The following GABRR2 variants were observed in gnomAD, a reference collection of about 807,000 sequenced individuals.
GABRR2 encodes the protein gamma-aminobutyric acid receptor subunit rho-2.
GABRR2 carries 36 observed loss-of-function variants against 47.0 expected under a neutral mutation model. That is an observed-to-expected ratio of 0.77 (90% CI 0.59 to 1.01). The LOEUF (loss-of-function observed/expected upper bound fraction) is 1.01, where lower values mean the gene tolerates loss of function less well. Ranked by LOEUF, GABRR2 falls within the 50% of genes least tolerant of loss-of-function variation. GABRR2 has a pLI of 0.00. For synonymous variants in GABRR2, 204 were observed against 227.5 expected (o/e 0.90, Z 0.93); for missense variants, 587 against 594.6 (o/e 0.99, Z 0.13).
chr6:89,297,257 A>T (rs938144819), intron 2 of GABRR2, among the ~76,000 whole-genome samples: 1 of 152,286 alleles, frequency 6.6e-6, no homozygotes, highest in African/African-American at 2.4e-5. Flanking sequence ...TGTTTTTCTT[A>T]TTTTAAGATA....
Position 89,254,865 on chromosome 6 carries a change from T to TTTAG in GABRR2, c.*2804_*2805insCTAA, listed in dbSNP as rs1477833262. Among the ~76,000 whole-genome samples the TTTAG allele has an allele frequency of 6.6e-6, 1 of 152,178 alleles. No homozygotes were observed. Among genetic ancestry groups the TTTAG allele is most frequent in the Middle Eastern group, 3.2e-3 (1 of 316 alleles). On this transcript the variant is annotated 3_prime_UTR_variant, in exon 9 of 9. Transcript: ENST00000402938. ...TGCTAAATACAATGGTGTCATTGTATCATGGCCCTGCATGATAAAACACTG... is the reference window on the plus strand; with the variant it reads ...TGCTAAATACAATGGTGTCATTGTATTTAGCATGGCCCTGCATGATAAAACACTG...
chr6:89,310,003 G>A (rs1767653620), intron 1 of GABRR2, among the ~76,000 whole-genome samples: 1 of 143,628 alleles, frequency 7.0e-6, no homozygotes, highest in Non-Finnish European at 1.5e-5. Flanking sequence ...TTGGCCTCAA[G>A]AGATCTTCTT....
In GABRR2 at chr6:89,315,139, C is replaced by A; in HGVS notation, c.27G>T (p.Leu9Phe). The change falls in exon 1 of 9, where the codon TTG (leucine) becomes TTT (phenylalanine). Residue 9 changes from leucine (L) to phenylalanine (F), a missense_variant. Physicochemically the swap from Leu to Phe is conservative, Grantham distance 22 (BLOSUM62 0). Coordinates refer to ENST00000402938, the MANE Select transcript of GABRR2 (RefSeq NM_002043.5). ...CGAGAACCATCAAGCAAAACAAGAA[C>A]AAAATGAGTCTTGTAAAATAAGGCA... Reference protein sequence around the residue: MPYFTRLILFLFCLMVLVE... With the variant: MPYFTRLIFFLFCLMVLVE... The A allele has an allele frequency of 2.5e-6, 4 of 1,613,874 alleles. No individual in the cohort carries two copies. Among genetic ancestry groups the A allele is most frequent in the Non-Finnish European group, 3.4e-6 (4 of 1,179,846 alleles).
At position 89,268,082 on chromosome 6, in the gene GABRR2, G is replaced by A. The variant is rs766921683; in HGVS notation, c.527C>T (p.Ala176Val). The A allele has an allele frequency of 6.2e-7, 1 of 1,609,590 alleles. No homozygotes were observed. The highest frequency in any genetic ancestry group is 1.3e-5 in the African/African-American group (1 of 74,828). ...GTGGCTGAAGTCCATGTTGCACATG[G>A]CAGTGACCGTAATCCTAGACAACCC... ...VLYSMRITVT[A>V]MCNMDFSHFP... Residue 176 changes from alanine to valine, a missense_variant, in exon 5 of 9, where the codon GCC becomes GTC. Transcript: ENST00000402938.
At chr6:89,296,697 A>G (rs1774560101) in intron 2 of GABRR2, among the ~76,000 whole-genome samples, 2 of 152,214 alleles carry the variant, frequency 1.3e-5, no homozygotes, top group South Asian at 2.1e-4. Flanking sequence ...TGGTCACACC[A>G]CAAGGAGTCC....
chr6:89,292,346 T>A (rs866557798), intron 2 of GABRR2, among the ~76,000 whole-genome samples: 1,514 of 13,468 alleles, frequency 0.11, 32 homozygotes, highest in Non-Finnish European at 0.14. Context: ...AAAAAAAATT[T>A]TATATATATA....
intron 2 of GABRR2, among the ~76,000 whole-genome samples, chr6:89,295,486 T>C (rs1774537923): frequency 6.6e-6 from 1 of 152,114 alleles, no homozygotes; most frequent in African/African-American, 2.4e-5. Flanking sequence ...GATGGGATTT[T>C]TTTTTAATTT....
At chr6:89,268,498 A>G (rs543092115) in intron 4 of GABRR2, among the ~76,000 whole-genome samples, 2 of 152,326 alleles carry the variant, frequency 1.3e-5, no homozygotes, top group East Asian at 3.9e-4. Context: ...GAACTGTACA[A>G]GCAGACCAGG....
chr6:89,267,658 A>C, intron 6 of GABRR2, 21 bp downstream of exon 6: 1 of 1,603,310 alleles, frequency 6.2e-7, no homozygotes, highest in Non-Finnish European at 8.5e-7. Context: ...TTTGAATCAG[A>C]TTGTGGCAAA....
rs1310158438 is a variant in GABRR2, at chr6:89,256,620, A to G, written c.*1050T>C. ...CCACACCAGATAGTCTATGCCAACA[A>G]TGTGATTTATGATAGGTGCCCTGGA... On this transcript the variant is annotated 3_prime_UTR_variant, in exon 9 of 9. Transcript: ENST00000402938. Among the ~76,000 whole-genome samples the G allele has an allele frequency of 6.6e-6, 1 of 152,132 alleles. No individual in the cohort carries two copies. The highest frequency in any genetic ancestry group is 1.5e-5 in the Non-Finnish European group (1 of 68,016).
intron 1 of GABRR2, chr6:89,302,199 G>A (rs1188755931): frequency 1.8e-6 from 1 of 557,742 alleles, no homozygotes; most frequent in Non-Finnish European, 3.6e-6. Context: ...TCGCTGGGCG[G>A]GGGCACAAGC....
chr6:89,281,055 A>G (rs1433382815), intron 2 of GABRR2, among the ~76,000 whole-genome samples: 2 of 152,252 alleles, frequency 1.3e-5, no homozygotes, highest in Non-Finnish European at 1.5e-5. Context: ...AAAGAAATAG[A>G]TCCACATCAG....
At chr6:89,272,048 T>C (rs898327448) in intron 2 of GABRR2, among the ~76,000 whole-genome samples, 1 of 152,206 alleles carries the variant, frequency 6.6e-6, no homozygotes, top group African/African-American at 2.4e-5. Flanking sequence ...GTGGCTGTAG[T>C]GCCTGACTGG....
intron 2 of GABRR2, among the ~76,000 whole-genome samples, chr6:89,294,901 T>C (rs1285563253): frequency 2.0e-5 from 3 of 151,402 alleles, no homozygotes; most frequent in African/African-American, 7.3e-5. Flanking sequence ...TTTGGTTTTT[T>C]GTCCTTGCGA....
At chr6:89,273,694 G>C (rs9362631) in intron 2 of GABRR2, among the ~76,000 whole-genome samples, 27,308 of 152,166 alleles carry the variant, frequency 0.18, 2,595 homozygotes, top group South Asian at 0.25. Context: ...AGCCTGGCCA[G>C]AGCTGTCTCC....
At chr6:89,264,251 TG>T (rs1173755332) in intron 8 of GABRR2, among the ~76,000 whole-genome samples, 160 bp downstream of exon 8, 3 of 152,160 alleles carry the variant, frequency 2.0e-5, no homozygotes, top group African/African-American at 7.2e-5. Context: ...TGGAATCCTT[TG>T]GGGTAGAAGC....
Position 89,256,231 on chromosome 6 carries a change from C to T in GABRR2, c.*1439G>A, listed in dbSNP as rs947309949. 7.9e-5 allele frequency among the ~76,000 whole-genome samples: 12 copies of T among 151,224 alleles called. No individual in the cohort carries two copies. In the South Asian group the frequency reaches 1.3e-3, roughly 16 times the overall value. The stretch of plus-strand genomic sequence containing the variant: ...CTCAGGGCTGCTTTCTCCATGAGGT[C>T]TGTCTCCCTGGTGGGACTGTTTTTC... On this transcript the variant is annotated 3_prime_UTR_variant, in exon 9 of 9. Transcript: ENST00000402938.
Position 89,268,897 on chromosome 6 carries a change from T to A in GABRR2, c.512+114A>T, listed in dbSNP as rs1314767306. ...GTTCTGACTAGCATCAGAAGGCTCC[T>A]CCCATCCACGAACCCACAGACCCAA... On this transcript the variant is annotated intron_variant, in intron 4 of 8. Transcript: ENST00000402938. 3.5e-6 allele frequency: 3 copies of A among 847,800 alleles called. No homozygotes were observed. The East Asian group carries it at 7.8e-5, about 22-fold the overall frequency. 52.5% of individuals were successfully genotyped at this position (847,800 alleles called of 1,614,324 possible). A position where few individuals can be genotyped will look rare whatever the true frequency, so the allele number is the denominator to read the frequency against.
intron 8 of GABRR2, among the ~76,000 whole-genome samples, chr6:89,258,711 A>T (rs1166479000): frequency 6.7e-6 from 1 of 148,346 alleles, no homozygotes; most frequent in Non-Finnish European, 1.5e-5. Context: ...ACAGAGCAAA[A>T]CCCTGTCTCT....
Sources: allele counts gnomAD v4.1 joint callset (sites outside exome capture counted in the v4.1 genomes callset), GRCh38; gene constraint gnomAD v4.1.1; transcripts MANE v1.5; gene names NCBI Gene and HGNC (gene_info 2026-07-23, HGNC 2026-07-21).